SLC35F1: variants seen among roughly 807,000 people sequenced by gnomAD.
The protein encoded by SLC35F1 is chromosome 6 open reading frame 169.
A neutral mutation model predicts 48.7 loss-of-function variants in SLC35F1; 14 were observed. The observed-to-expected ratio is 0.29, with a 90% CI of 0.19 to 0.45. SLC35F1 has a LOEUF of 0.45. Ranked by LOEUF, SLC35F1 falls within the 20% of genes least tolerant of loss-of-function variation. SLC35F1 has a pLI of 1.00. For synonymous variants in SLC35F1, 190 were observed against 202.2 expected (o/e 0.94, Z 0.51); for missense variants, 404 against 500.0 (o/e 0.81, Z 1.83).
intron 2 of SLC35F1, among the ~76,000 whole-genome samples, chr6:118,157,519 A>G (rs929537813): frequency 2.6e-5 from 4 of 152,202 alleles, no homozygotes; most frequent in African/African-American, 9.7e-5. Context: ...GCTGAGGAGC[A>G]AGGAAGCCAG....
chr6:118,027,123 G>C (rs767929504), intron 1 of SLC35F1, among the ~76,000 whole-genome samples: 5 of 152,080 alleles, frequency 3.3e-5, no homozygotes, highest in Non-Finnish European at 7.4e-5. Context: ...CCTTGTTGAT[G>C]CATGTATTAG....
At chr6:117,923,680 T>TATGTACAC (rs1554216707) in intron 1 of SLC35F1, among the ~76,000 whole-genome samples, 120 of 11,306 alleles carry the variant, frequency 0.011, 16 homozygotes, top group South Asian at 0.081. Flanking sequence ...TATATGTACA[T>TATGTACAC]ATATACATAT....
chr6:118,254,227 T>C (rs1018093066), intron 3 of SLC35F1, among the ~76,000 whole-genome samples: 21 of 152,158 alleles, frequency 1.4e-4, no homozygotes, highest in African/African-American at 5.1e-4. Context: ...TCCTGGTCAC[T>C]TAGTAGGCAT....
At chr6:118,295,746 T>C (rs917589751) in intron 7 of SLC35F1, among the ~76,000 whole-genome samples, 1 of 152,218 alleles carries the variant, frequency 6.6e-6, no homozygotes, top group African/African-American at 2.4e-5. Flanking sequence ...AAGCTTATAG[T>C]GCCCAAATGT....
At chr6:118,271,867 A>C (rs1263460332) in intron 4 of SLC35F1, among the ~76,000 whole-genome samples, 1 of 152,228 alleles carries the variant, frequency 6.6e-6, no homozygotes, top group Non-Finnish European at 1.5e-5. Flanking sequence ...AACACTTACT[A>C]AGTGTCAGAT....
intron 1 of SLC35F1, among the ~76,000 whole-genome samples, chr6:118,016,516 G>A (rs1297638753): frequency 3.3e-5 from 5 of 152,192 alleles, no homozygotes; most frequent in African/African-American, 1.2e-4. Context: ...GGGAGGGAAA[G>A]TAGCATGATT....
chr6:118,128,067 T>C (rs1444014140), intron 1 of SLC35F1, among the ~76,000 whole-genome samples: 1 of 147,824 alleles, frequency 6.8e-6, no homozygotes, highest in Non-Finnish European at 1.5e-5. Flanking sequence ...AAAATGCTCA[T>C]CATCACTGGC....
chr6:118,261,654 C>T (rs1775713755), intron 3 of SLC35F1, among the ~76,000 whole-genome samples: 1 of 152,124 alleles, frequency 6.6e-6, no homozygotes, highest in Non-Finnish European at 1.5e-5. Context: ...TTCTTGAACT[C>T]TCATGACTTC....
intron 1 of SLC35F1, among the ~76,000 whole-genome samples, chr6:118,082,182 C>A (rs560166165): frequency 1.3e-5 from 2 of 152,258 alleles, no homozygotes; most frequent in Admixed American, 1.3e-4. Context: ...AGGGTCTAGG[C>A]AATTACGATT....
chr6:118,135,057 A>G (rs550905374), intron 1 of SLC35F1, among the ~76,000 whole-genome samples: 1 of 152,336 alleles, frequency 6.6e-6, no homozygotes, highest in African/African-American at 2.4e-5. Flanking sequence ...TCACGTTTCT[A>G]TGGGCTTATG....
intron 7 of SLC35F1, among the ~76,000 whole-genome samples, chr6:118,291,242 TACACACACACACACACACAC>T (rs10603708): frequency 2.7e-5 from 4 of 148,704 alleles, no homozygotes; most frequent in South Asian, 2.1e-4. Flanking sequence ...GTATCATGTA[TACACACACACACACACACAC>T]ACACACACAC....
Position 118,061,588 on chromosome 6 carries a change from G to GTA in SLC35F1, c.174-92856_174-92855insAT, listed in dbSNP as rs1237884567. ...TATATACATTTGTGTGTGTGTGTGT[G>GTA]TGTATATATATATATATGTTTGGTA... On this transcript the variant is annotated intron_variant, in intron 1 of 7. Coordinates refer to ENST00000360388, the MANE Select transcript of SLC35F1 (RefSeq NM_001029858.4). 1.9e-3 allele frequency among the ~76,000 whole-genome samples: 276 copies of GTA among 144,716 alleles called. 1 individual carries two copies. Among genetic ancestry groups the GTA allele is most frequent in the Middle Eastern group, 0.018 (5 of 274 alleles). The allele number at this position is 144,716 out of a possible 152,430, so 94.9% of individuals were successfully genotyped here.
intron 1 of SLC35F1, among the ~76,000 whole-genome samples, chr6:117,927,397 T>G (rs971223770): frequency 6.6e-6 from 1 of 152,168 alleles, no homozygotes; most frequent in African/African-American, 2.4e-5. Flanking sequence ...TAATAATCTT[T>G]GATCCTGAAA....
chr6:118,142,921 C>T (rs976478870), intron 1 of SLC35F1, among the ~76,000 whole-genome samples: 3 of 152,114 alleles, frequency 2.0e-5, no homozygotes, highest in African/African-American at 7.2e-5. Flanking sequence ...ATATCTTTGT[C>T]TTCTAAAATG....
At chr6:118,093,511 A>G (rs978948073) in intron 1 of SLC35F1, among the ~76,000 whole-genome samples, 12 of 152,150 alleles carry the variant, frequency 7.9e-5, no homozygotes, top group Non-Finnish European at 1.5e-4. Flanking sequence ...GATAGTGAAT[A>G]AGTTCAATGA....
At chr6:118,093,678 A>G (rs910796206) in intron 1 of SLC35F1, among the ~76,000 whole-genome samples, 4 of 152,220 alleles carry the variant, frequency 2.6e-5, no homozygotes, top group African/African-American at 9.6e-5. Flanking sequence ...TTCTTTATAA[A>G]TTACCCAGTC....
chr6:118,259,704 C>CAAA (rs11372368), intron 3 of SLC35F1, among the ~76,000 whole-genome samples: 4 of 147,684 alleles, frequency 2.7e-5, no homozygotes, highest in Non-Finnish European at 3.0e-5. Flanking sequence ...TAGCAAAAAT[C>CAAA]AAAAAAAAAA....
intron 1 of SLC35F1, among the ~76,000 whole-genome samples, chr6:118,045,837 CT>C (rs1404887420): frequency 6.6e-6 from 1 of 152,156 alleles, no homozygotes; most frequent in East Asian, 1.9e-4. Flanking sequence ...AATTTTTCTC[CT>C]TTCTTTTACA....
chr6:118,311,547 T>C (rs1444997483), intron 7 of SLC35F1, among the ~76,000 whole-genome samples: 2 of 152,188 alleles, frequency 1.3e-5, no homozygotes, highest in Non-Finnish European at 2.9e-5. Flanking sequence ...CCTAACACTT[T>C]GGGAGGCCAA....
Sources: allele counts gnomAD v4.1 joint callset (sites outside exome capture counted in the v4.1 genomes callset), GRCh38; gene constraint gnomAD v4.1.1; transcripts MANE v1.5; gene names NCBI Gene and HGNC (gene_info 2026-07-23, HGNC 2026-07-21).